DCAF8L2: variants seen among roughly 807,000 people sequenced by gnomAD.
The protein encoded by DCAF8L2 is DDB1- and CUL4-associated factor 8-like protein 2.
For synonymous variants in DCAF8L2, 200 were observed against 190.9 expected, an observed-to-expected ratio of 1.05 and a Z score of -0.39; for missense variants, 430 against 490.7, an observed-to-expected ratio of 0.88 and a Z score of 1.17.
intron 3 of DCAF8L2, among the ~76,000 whole-genome samples, chrX:27,690,463 C>G (rs1402442516): frequency 9.0e-6 from 1 of 111,335 alleles, no homozygotes; most frequent in African/African-American, 3.3e-5. Flanking sequence ...AAATACATTT[C>G]AAAGTGTAGA....
At chrX:27,512,398 A>G in the DCAF8L2 span, among the ~76,000 whole-genome samples, 1 of 111,494 alleles carries the variant, frequency 9.0e-6, no homozygotes, top group Admixed American at 9.6e-5. Context: ...TGTAATCGTT[A>G]TCAAGATACC....
chrX:27,494,091 T>A, the DCAF8L2 span, among the ~76,000 whole-genome samples: 1 of 112,129 alleles, frequency 8.9e-6, no homozygotes. Context: ...GGTGGAATTT[T>A]GTCTCACTTC....
the DCAF8L2 span, among the ~76,000 whole-genome samples, chrX:27,524,807 C>T: frequency 9.0e-6 from 1 of 111,708 alleles, no homozygotes; most frequent in African/African-American, 3.2e-5. Flanking sequence ...CATTCAGGAG[C>T]AGGTTGTTCA....
At chrX:27,715,217 C>T (rs1245122058) in intron 3 of DCAF8L2, among the ~76,000 whole-genome samples, 3 of 109,678 alleles carry the variant, frequency 2.7e-5, no homozygotes, top group Admixed American at 1.9e-4. Context: ...ACAGTGAAAC[C>T]CCGTCTCTAC....
the DCAF8L2 span, among the ~76,000 whole-genome samples, chrX:27,475,459 T>G: frequency 1.8e-5 from 2 of 111,971 alleles, no homozygotes; most frequent in East Asian, 5.6e-4. Flanking sequence ...AAGTACATTC[T>G]TCCCCCATGA....
intron 1 of DCAF8L2, among the ~76,000 whole-genome samples, chrX:27,606,064 C>T (rs1472627799): frequency 2.0e-5 from 2 of 101,404 alleles, no homozygotes; most frequent in Non-Finnish European, 3.9e-5. Flanking sequence ...AACAAAGTCA[C>T]AAAGAGACAG....
At chrX:27,644,977 T>A (rs1403074177) in intron 2 of DCAF8L2, among the ~76,000 whole-genome samples, 1 of 111,967 alleles carries the variant, frequency 8.9e-6, no homozygotes, top group Non-Finnish European at 1.9e-5. Flanking sequence ...AGGATGGCCA[T>A]GATCTCCTGA....
At chrX:27,603,124 A>G (rs1926725912) in intron 1 of DCAF8L2, among the ~76,000 whole-genome samples, 1 of 112,062 alleles carries the variant, frequency 8.9e-6, no homozygotes, top group Non-Finnish European at 1.9e-5. Context: ...AGGTCCCTGG[A>G]CAGCAGCCTT....
chrX:27,699,969 A>G (rs1418146888), intron 3 of DCAF8L2, among the ~76,000 whole-genome samples: 1 of 111,570 alleles, frequency 9.0e-6, no homozygotes, highest in African/African-American at 3.3e-5. Context: ...TAGGAGTTCA[A>G]CATCGAGATG....
chrX:27,722,464 A>G (rs1047943115), intron 4 of DCAF8L2, among the ~76,000 whole-genome samples: 6 of 111,623 alleles, frequency 5.4e-5, no homozygotes, highest in African/African-American at 1.9e-4. Flanking sequence ...TCTAATGCAA[A>G]TATTATTCTA....
the DCAF8L2 span, among the ~76,000 whole-genome samples, chrX:27,472,542 C>T: frequency 4.0e-4 from 44 of 111,145 alleles, no homozygotes; most frequent in Non-Finnish European, 7.2e-4. Context: ...TGCTCTCCCT[C>T]CCCTTTTCCC....
the DCAF8L2 span, among the ~76,000 whole-genome samples, chrX:27,497,715 C>T: frequency 9.9e-5 from 11 of 110,737 alleles, no homozygotes; most frequent in African/African-American, 2.6e-4. Context: ...ACTACAGGCG[C>T]GCACCACCGC....
the DCAF8L2 span, among the ~76,000 whole-genome samples, chrX:27,581,876 G>T: frequency 8.9e-6 from 1 of 112,249 alleles, no homozygotes; most frequent in Non-Finnish European, 1.9e-5. Flanking sequence ...GAGCCGCTGT[G>T]CCTGGCTGGA....
At chrX:27,573,042 G>T in the DCAF8L2 span, among the ~76,000 whole-genome samples, 15 of 109,856 alleles carry the variant, frequency 1.4e-4, no homozygotes, top group African/African-American at 4.3e-4. Flanking sequence ...GAAAGCAAAA[G>T]ATTTGGTTCC....
At chrX:27,685,370 A>G (rs765929234) in intron 3 of DCAF8L2, among the ~76,000 whole-genome samples, 179 of 111,745 alleles carry the variant, frequency 1.6e-3, no homozygotes, top group African/African-American at 5.7e-3. Flanking sequence ...GGGTGACAAG[A>G]CTTTCTACCA....
chrX:27,503,052 A>C, the DCAF8L2 span, among the ~76,000 whole-genome samples: 3 of 111,713 alleles, frequency 2.7e-5, no homozygotes, highest in African/African-American at 9.8e-5. Context: ...ATTTTCTAGA[A>C]ATCCTCATCT....
chrX:27,574,615 G>T, the DCAF8L2 span, among the ~76,000 whole-genome samples: 1 of 112,191 alleles, frequency 8.9e-6, no homozygotes, highest in Non-Finnish European at 1.9e-5. Flanking sequence ...GCCATCCCAT[G>T]TAGTGTAGCA....
At chrX:27,548,841 C>T in the DCAF8L2 span, among the ~76,000 whole-genome samples, 1 of 111,944 alleles carries the variant, frequency 8.9e-6, no homozygotes, top group Non-Finnish European at 1.9e-5. Flanking sequence ...TCAACACAAA[C>T]ATCAGGAAGC....
chrX:27,602,886 A>G (rs953539576), intron 1 of DCAF8L2, among the ~76,000 whole-genome samples: 1 of 112,493 alleles, frequency 8.9e-6, no homozygotes, highest in Non-Finnish European at 1.9e-5. Flanking sequence ...TTTTCTTATG[A>G]TTTGAAAAAT....
Sources: gnomAD v4.1 joint callset for allele counts (sites outside exome capture counted in the v4.1 genomes callset) on GRCh38, gnomAD v4.1.1 for gene constraint, MANE v1.5 for transcripts, NCBI Gene and HGNC (gene_info 2026-07-23, HGNC 2026-07-21) for gene names.